Variants in ACSL6 observed in about 807,000 individuals in gnomAD.
ACSL6 encodes the protein acyl-CoA synthetase long chain family member 6.
Under a neutral mutation model 98.2 loss-of-function variants are expected in ACSL6, and 47 were observed. That is an observed-to-expected ratio of 0.48 (90% CI 0.38 to 0.61). ACSL6 has a LOEUF of 0.61. Ranked by LOEUF, ACSL6 falls within the 20% of genes least tolerant of loss-of-function variation. The probability of loss-of-function intolerance (pLI) is 0.00; values close to 1 mark genes in which losing one functional copy is unlikely to be tolerated. For synonymous variants in ACSL6, 362 were observed against 336.9 expected, an observed-to-expected ratio of 1.07 and a Z score of -0.82; for missense variants, 761 against 913.4, an observed-to-expected ratio of 0.83 and a Z score of 2.15.
At chr5:131,992,230 G>T (rs764632124) in intron 2 of ACSL6, among the ~76,000 whole-genome samples, 1 of 152,206 alleles carries the variant, frequency 6.6e-6, no homozygotes, top group Non-Finnish European at 1.5e-5. Flanking sequence ...AGATCGCAAT[G>T]GTTGGGGAGG....
chr5:132,002,702 G>T (rs1025622867), intron 1 of ACSL6, among the ~76,000 whole-genome samples: 2 of 152,152 alleles, frequency 1.3e-5, no homozygotes, highest in African/African-American at 2.4e-5. Context: ...CAGGGCTATC[G>T]AAGAGGGACA....
intron 6 of ACSL6, 112 bp from the exon 7 acceptor site, chr5:131,988,338 A>G (rs1754310614): frequency 2.2e-6 from 3 of 1,363,558 alleles, no homozygotes; most frequent in Middle Eastern, 1.9e-4. Context: ...GTGTGCCCAT[A>G]GCTTATGTGT....
Position 132,011,073 on chromosome 5 carries a change from G to A in ACSL6, c.49+432C>T, listed in dbSNP as rs1755699122. On this transcript the variant is annotated intron_variant, in intron 1 of 20. Coordinates refer to ENST00000651883, the MANE Select transcript of ACSL6 (RefSeq NM_001009185.3). The surrounding 1 kb of genome is among the most constrained non-coding windows in gnomAD (Gnocchi z 5.4). ...CCCTCGCCGGGATCAGGAAGCCTAG[G>A]TCAGTCCGGGTTACATAGCTGACCT... Among the ~76,000 whole-genome samples the A allele has an allele frequency of 6.6e-6, 1 of 152,158 alleles. No homozygotes were observed. The highest frequency in any genetic ancestry group is 2.4e-5 in the African/African-American group (1 of 41,420).
chr5:131,960,396 T>A lies in ACSL6; in HGVS notation c.1959+124A>T, dbSNP rs955263111. 4 of 655,188 alleles carry A rather than the reference T, an allele frequency of 6.1e-6. No homozygotes were observed. The Admixed American group carries it at 1.4e-4, about 22-fold the overall frequency. The allele number at this position is 655,188 out of a possible 1,614,324, so 40.6% of individuals were successfully genotyped here. A position where few individuals can be genotyped will look rare whatever the true frequency, so the allele number is the denominator to read the frequency against. ...TCTGGTTTAGAATCCCCACTATATA[T>A]AAAGTAATGTTAGAAATTTCGTACG... On this transcript the variant is annotated intron_variant, in intron 19 of 20. Coordinates refer to ENST00000651883, the MANE Select transcript of ACSL6 (RefSeq NM_001009185.3).
At chr5:131,955,913 T>A (rs1285926666) in intron 20 of ACSL6, among the ~76,000 whole-genome samples, 9 of 152,320 alleles carry the variant, frequency 5.9e-5, no homozygotes, top group Admixed American at 2.0e-4. Flanking sequence ...TTCAAAAAAA[T>A]TTCTTTCTGT....
intron 1 of ACSL6, among the ~76,000 whole-genome samples, chr5:132,000,998 G>T (rs750231641): frequency 4.0e-5 from 6 of 151,842 alleles, no homozygotes; most frequent in Admixed American, 6.6e-5. Context: ...TCTGGAACTT[G>T]GCCCTAGCTT....
rs150654858 is a variant in ACSL6, at chr5:131,974,979, G to A, written c.991-9C>T. ...CTCGGAAAGATCACTTTCTGCAGGC[G>A]ACGGGCATGGGAGACAGAAAGGAAA... On this transcript the variant is annotated splice_polypyrimidine_tract_variant and intron_variant, in intron 10 of 20. Coordinates refer to ENST00000651883, the MANE Select transcript of ACSL6 (RefSeq NM_001009185.3). The A allele has an allele frequency of 2.7e-5, 44 of 1,613,194 alleles. No homozygotes were observed. Among genetic ancestry groups the A allele is most frequent in the South Asian group, 2.4e-4 (22 of 90,862 alleles).
chr5:132,007,342 G>A (rs1187034154), intron 1 of ACSL6, among the ~76,000 whole-genome samples: 1 of 152,330 alleles, frequency 6.6e-6, no homozygotes, highest in African/African-American at 2.4e-5. Flanking sequence ...CAGTCCTATT[G>A]CCAATCTTCC....
intron 11 of ACSL6, 102 bp downstream of exon 11, chr5:131,974,791 C>T: frequency 6.2e-7 from 1 of 1,612,312 alleles, no homozygotes; most frequent in Non-Finnish European, 8.5e-7. Flanking sequence ...GTGCTAAAGG[C>T]AAATAGGAAA....
At chr5:131,996,610 T>A (rs912052130) in intron 1 of ACSL6, among the ~76,000 whole-genome samples, 1 of 152,230 alleles carries the variant, frequency 6.6e-6, no homozygotes, top group Non-Finnish European at 1.5e-5. Flanking sequence ...GGATACCTCA[T>A]TACCACCAGT....
chr5:131,951,473 C>T lies in ACSL6; in HGVS notation c.*2761G>A. 1 of 204,558 alleles carries T rather than the reference C, an allele frequency of 4.9e-6. No homozygotes were observed. Among genetic ancestry groups the T allele is most frequent in the East Asian group, 7.6e-5 (1 of 13,212 alleles). 12.7% of individuals were successfully genotyped at this position (204,558 alleles called of 1,614,324 possible). On this transcript the variant is annotated 3_prime_UTR_variant, in exon 21 of 21. Transcript: ENST00000651883. ...GGTACACTATTTACTTTTCTCAGCA[C>T]ATCTGAACTAACCCATTTATTGGCC...
chr5:131,971,528 G>A lies in ACSL6; in HGVS notation c.1434+22C>T, dbSNP rs376160246. On this transcript the variant is annotated intron_variant, in intron 14 of 20. Coordinates refer to ENST00000651883, the MANE Select transcript of ACSL6 (RefSeq NM_001009185.3). ...TAACGAACTTCCTGCTGTTTCCAAG[G>A]GAGGACACACAATGACAATACCTGG... 1.6e-5 allele frequency: 25 copies of A among 1,577,742 alleles called. No homozygotes were observed. The African/African-American group carries it at 3.1e-4, about 20-fold the overall frequency.
At chr5:131,977,367 A>G (rs946664221) in intron 9 of ACSL6, among the ~76,000 whole-genome samples, 23 of 152,112 alleles carry the variant, frequency 1.5e-4, no homozygotes, top group African/African-American at 4.8e-4. Flanking sequence ...GAGGGTAGAG[A>G]TGGCTAGGGA....
intron 10 of ACSL6, chr5:131,975,519 C>G: frequency 1.0e-6 from 1 of 985,364 alleles, no homozygotes. Context: ...TAAGTCTATG[C>G]AACTGTGGCT....
chr5:131,992,324 C>T (rs183329944), intron 2 of ACSL6, among the ~76,000 whole-genome samples: 6 of 152,182 alleles, frequency 3.9e-5, no homozygotes, highest in Admixed American at 2.6e-4. Flanking sequence ...TTAGGCCAGG[C>T]GAGTGACAAG....
chr5:131,987,977 G>A (rs1754286157), intron 7 of ACSL6, 71 bp downstream of exon 7: 1 of 1,574,468 alleles, frequency 6.4e-7, no homozygotes, highest in Non-Finnish European at 8.6e-7. Flanking sequence ...GAGAGGGACA[G>A]ATAACCAGAA....
At chr5:131,976,988 G>A (rs182321822) in intron 9 of ACSL6, among the ~76,000 whole-genome samples, 199 of 152,334 alleles carry the variant, frequency 1.3e-3, no homozygotes, top group Admixed American at 3.9e-3. Flanking sequence ...AGGCCTGAAG[G>A]GTCAACTGCT....
At chr5:132,010,695 G>A (rs558867641) in intron 1 of ACSL6, among the ~76,000 whole-genome samples, 1 of 152,344 alleles carries the variant, frequency 6.6e-6, no homozygotes, top group East Asian at 1.9e-4. Flanking sequence ...GGGGGTTGGG[G>A]TGGAGGTGGA....
At chr5:131,960,475 T>C in intron 19 of ACSL6, 45 bp downstream of exon 19, 1 of 1,533,712 alleles carries the variant, frequency 6.5e-7, no homozygotes, top group Non-Finnish European at 8.9e-7. Flanking sequence ...TGTGGTACCA[T>C]AAAACATTCA....
Sources: gnomAD v4.1 joint callset for allele counts (sites outside exome capture counted in the v4.1 genomes callset) on GRCh38, gnomAD v4.1.1 for gene constraint, Gnocchi (gnomAD v3.1) non-coding constraint, MANE v1.5 for transcripts, NCBI Gene and HGNC (gene_info 2026-07-23, HGNC 2026-07-21) for gene names.